The following HIBADH variants were observed in gnomAD, a reference collection of about 807,000 sequenced individuals.
The protein encoded by HIBADH is 3-hydroxyisobutyrate dehydrogenase, mitochondrial.
A neutral mutation model predicts 36.1 loss-of-function variants in HIBADH; 25 were observed. That is an observed-to-expected ratio of 0.69 (90% CI 0.50 to 0.97). HIBADH has a LOEUF of 0.97. HIBADH is among the 50% of genes least tolerant of loss of function. The pLI is 0.00. For synonymous variants in HIBADH, 160 were observed against 149.5 expected, an observed-to-expected ratio of 1.07 and a Z score of -0.51; for missense variants, 421 against 418.0, an observed-to-expected ratio of 1.01 and a Z score of -0.06.
chr7:27,632,577 GA>G, intron 2 of HIBADH, 132 bp from the exon 3 acceptor site: 1 of 219,490 alleles, frequency 4.6e-6, no homozygotes, highest in Admixed American at 8.2e-5. Flanking sequence ...GTTTGCAAAT[GA>G]CCAAAAAAAA....
chr7:27,593,465 G>T (rs577911626), intron 4 of HIBADH, among the ~76,000 whole-genome samples: 2 of 151,984 alleles, frequency 1.3e-5, no homozygotes, highest in East Asian at 1.9e-4. Flanking sequence ...CATAATATTG[G>T]TTGAGGAAAT....
chr7:27,564,238 G>A (rs1465366546), intron 4 of HIBADH, among the ~76,000 whole-genome samples: 1 of 152,024 alleles, frequency 6.6e-6, no homozygotes, highest in African/African-American at 2.4e-5. Context: ...TATTTTTTAT[G>A]AATTATGCTT....
intron 7 of HIBADH, among the ~76,000 whole-genome samples, chr7:27,527,356 T>G (rs923026879): frequency 6.6e-6 from 1 of 152,172 alleles, no homozygotes; most frequent in Non-Finnish European, 1.5e-5. Flanking sequence ...AAGATCAGGC[T>G]GAAAGACAAG....
At chr7:27,654,118 A>T (rs887261035) in intron 1 of HIBADH, among the ~76,000 whole-genome samples, 1 of 152,208 alleles carries the variant, frequency 6.6e-6, no homozygotes, top group African/African-American at 2.4e-5. Context: ...TTATACCAGA[A>T]GATTAACTGA....
At chr7:27,633,986 CAG>C (rs1785792834) in intron 2 of HIBADH, among the ~76,000 whole-genome samples, 1 of 152,136 alleles carries the variant, frequency 6.6e-6, no homozygotes, top group African/African-American at 2.4e-5. Flanking sequence ...GGAAGCCAAA[CAG>C]AGTGTGTAAT....
chr7:27,607,922 T>C (rs941578963), intron 4 of HIBADH, among the ~76,000 whole-genome samples: 1 of 152,212 alleles, frequency 6.6e-6, no homozygotes, highest in East Asian at 1.9e-4. Context: ...TCTTTTAATA[T>C]ATGGACATAG....
intron 1 of HIBADH, among the ~76,000 whole-genome samples, chr7:27,661,228 C>T (rs536326516): frequency 4.6e-5 from 7 of 152,116 alleles, no homozygotes; most frequent in South Asian, 2.1e-4. Flanking sequence ...AGCCTCTGTT[C>T]TTCTCCAGCC....
chr7:27,638,686 A>G (rs963869580), intron 2 of HIBADH, among the ~76,000 whole-genome samples: 1 of 151,456 alleles, frequency 6.6e-6, no homozygotes, highest in African/African-American at 2.5e-5. Context: ...AAATGTTTGC[A>G]AACTATGCAT....
chr7:27,613,460 A>C (rs546180321), intron 4 of HIBADH, among the ~76,000 whole-genome samples: 5 of 151,490 alleles, frequency 3.3e-5, no homozygotes, highest in African/African-American at 1.2e-4. Context: ...TTATTTAAAG[A>C]ATATGTACTA....
At chr7:27,650,733 C>G (rs1320950444) in intron 1 of HIBADH, among the ~76,000 whole-genome samples, 1 of 141,776 alleles carries the variant, frequency 7.1e-6, no homozygotes, top group Non-Finnish European at 1.5e-5. Context: ...AAAAAAAAGC[C>G]TTAAAAACTA....
At chr7:27,647,815 T>C (rs1392552043) in intron 2 of HIBADH, 2 of 269,740 alleles carry the variant, frequency 7.4e-6, no homozygotes, top group Middle Eastern at 4.4e-4. Context: ...CACAAAGCAG[T>C]GATGATCATT....
intron 4 of HIBADH, among the ~76,000 whole-genome samples, chr7:27,561,469 A>G (rs1046571797): frequency 9.2e-5 from 14 of 152,180 alleles, no homozygotes; most frequent in Non-Finnish European, 1.6e-4. Context: ...ATTGTAGTCA[A>G]CAATGTAGTC....
intron 5 of HIBADH, among the ~76,000 whole-genome samples, chr7:27,542,438 GTTTTTTTTTTTT>G (rs150575250): frequency 5.9e-4 from 40 of 68,156 alleles, no homozygotes; most frequent in African/African-American, 2.3e-3. Flanking sequence ...TTTTTTTCCC[GTTTTTTTTTTTT>G]TTTTTTTTTT....
intron 4 of HIBADH, among the ~76,000 whole-genome samples, chr7:27,591,682 TA>T (rs1458930665): frequency 6.6e-6 from 1 of 152,252 alleles, no homozygotes; most frequent in African/African-American, 2.4e-5. Context: ...ACACACAATG[TA>T]AGGCATTTAT....
intron 4 of HIBADH, among the ~76,000 whole-genome samples, chr7:27,579,386 ACC>A (rs1163493481): frequency 6.6e-6 from 1 of 152,206 alleles, no homozygotes; most frequent in Non-Finnish European, 1.5e-5. Context: ...GAGCACTGAT[ACC>A]ACACATAAAG....
chr7:27,552,275 G>C (rs1366916455), intron 4 of HIBADH, among the ~76,000 whole-genome samples: 1 of 152,108 alleles, frequency 6.6e-6, no homozygotes, highest in African/African-American at 2.4e-5. Context: ...GCACATGTTA[G>C]GGGTGATCTG....
In HIBADH at chr7:27,618,552, C is replaced by T. The variant is rs183846645; in HGVS notation, c.484+10819G>A. Among the ~76,000 whole-genome samples, 317 of 152,322 alleles carry T rather than the reference C, an allele frequency of 2.1e-3. 1 individual carries two copies. The highest frequency in any genetic ancestry group is 7.3e-3 in the African/African-American group (303 of 41,574). ...AGAACCTGCTCACCTACCCAGCCCC[C>T]GCTGCCACTACTGGCATTGGAGTAA... On this transcript the variant is annotated intron_variant, in intron 4 of 7. Transcript: ENST00000265395.
chr7:27,612,969 ATATATTAT>A (rs1174110680), intron 4 of HIBADH, among the ~76,000 whole-genome samples: 1 of 138,472 alleles, frequency 7.2e-6, no homozygotes, highest in Non-Finnish European at 1.5e-5. Context: ...TTATTTATAT[ATATATTAT>A]ATATATATTT....
intron 4 of HIBADH, among the ~76,000 whole-genome samples, chr7:27,570,190 G>A (rs559777885): frequency 6.6e-6 from 1 of 152,254 alleles, no homozygotes; most frequent in East Asian, 1.9e-4. Context: ...AGAGTCCTCA[G>A]ACAGCTTCTC....
Sources: gnomAD v4.1 joint callset for allele counts (sites outside exome capture counted in the v4.1 genomes callset) on GRCh38, gnomAD v4.1.1 for gene constraint, MANE v1.5 for transcripts, NCBI Gene and HGNC (gene_info 2026-07-23, HGNC 2026-07-21) for gene names.